GMPR: variants seen among roughly 807,000 people sequenced by gnomAD.
GMPR encodes the protein guanosine monophosphate reductase.
GMPR carries 31 observed loss-of-function variants against 38.4 expected under a neutral mutation model. That is an observed-to-expected ratio of 0.81 (90% CI 0.61 to 1.09). The LOEUF (loss-of-function observed/expected upper bound fraction) is 1.09. Among genes scored for constraint, GMPR ranks in the 50% least tolerant of loss-of-function variants. The pLI is 0.00. For missense variants in GMPR, 468 were observed against 453.7 expected, an observed-to-expected ratio of 1.03 and a Z score of -0.29; for synonymous variants, 162 against 173.3, an observed-to-expected ratio of 0.93 and a Z score of 0.51.
At chr6:16,290,258 G>A (rs1759812008) in intron 7 of GMPR, 6 of 617,672 alleles carry the variant, frequency 9.7e-6, no homozygotes, top group East Asian at 5.3e-5. Flanking sequence ...TTTGTTTCTC[G>A]CAGTGTCCCA....
At chr6:16,249,584 A>C (rs1292106584) in intron 2 of GMPR, among the ~76,000 whole-genome samples, 1 of 152,152 alleles carries the variant, frequency 6.6e-6, no homozygotes, top group African/African-American at 2.4e-5. Flanking sequence ...CGGCCTCCTA[A>C]AGTGCTGGGA....
chr6:16,274,319 T>C (rs1307632787), intron 4 of GMPR, 96 bp from the exon 5 acceptor site: 1 of 807,424 alleles, frequency 1.2e-6, no homozygotes, highest in Non-Finnish European at 2.1e-6. Context: ...CTGGTGGCTT[T>C]AGGACATGCA....
chr6:16,262,694 TAA>T (rs1183788502), intron 4 of GMPR: 14 of 152,138 alleles, frequency 9.2e-5, no homozygotes, highest in African/African-American at 3.4e-4. Flanking sequence ...GATTGGGTAA[TAA>T]AGTGTATTTT....
chr6:16,279,330 T>C (rs758219181), intron 6 of GMPR, among the ~76,000 whole-genome samples: 13 of 152,186 alleles, frequency 8.5e-5, no homozygotes, highest in Non-Finnish European at 1.6e-4. Flanking sequence ...GACCTTCTGC[T>C]GGTTCCTTAG....
intron 4 of GMPR, among the ~76,000 whole-genome samples, chr6:16,267,122 G>C (rs561072512): frequency 6.6e-6 from 1 of 152,206 alleles, no homozygotes; most frequent in South Asian, 2.1e-4. Context: ...CCGGCACTTT[G>C]GGAGGCCGAG....
At chr6:16,244,196 G>T (rs1758712565) in intron 1 of GMPR, among the ~76,000 whole-genome samples, 1 of 146,560 alleles carries the variant, frequency 6.8e-6, no homozygotes, top group Non-Finnish European at 1.5e-5. Context: ...GTGGTAGGTT[G>T]TCCTCTATTT....
At chr6:16,260,438 G>C (rs1215152622) in intron 4 of GMPR, among the ~76,000 whole-genome samples, 1 of 152,016 alleles carries the variant, frequency 6.6e-6, no homozygotes, top group African/African-American at 2.4e-5. Flanking sequence ...CTTATCCAGT[G>C]AAAGTGTCTA....
chr6:16,270,433 G>A (rs1292193865), intron 4 of GMPR, among the ~76,000 whole-genome samples: 5 of 152,092 alleles, frequency 3.3e-5, no homozygotes, highest in Admixed American at 2.6e-4. Flanking sequence ...TCCTGTATCC[G>A]CTCCACACCC....
At chr6:16,286,474 G>C (rs1320463037) in intron 7 of GMPR, among the ~76,000 whole-genome samples, 1 of 152,020 alleles carries the variant, frequency 6.6e-6, no homozygotes, top group African/African-American at 2.4e-5. Flanking sequence ...GCTCCAGAAT[G>C]TGAAATGGGC....
intron 4 of GMPR, among the ~76,000 whole-genome samples, chr6:16,259,846 G>A (rs866373236): frequency 5.4e-4 from 82 of 152,168 alleles, no homozygotes; most frequent in Admixed American, 1.8e-3. Context: ...AGAGTTAAGA[G>A]TGGCAGTTTG....
At chr6:16,250,944 G>C (rs572008495) in intron 3 of GMPR, among the ~76,000 whole-genome samples, 114 of 152,182 alleles carry the variant, frequency 7.5e-4, no homozygotes, top group Middle Eastern at 3.4e-3. Flanking sequence ...TCACTGCTGG[G>C]AATGGAAAAT....
In GMPR at chr6:16,277,034, G is replaced by A. The variant is rs573593920; in HGVS notation, c.548-1750G>A. On this transcript the variant is annotated intron_variant, in intron 5 of 8. Transcript: ENST00000259727. ...TACTGCAGCTGAGGCCCCCACCCCC[G>A]GATCTAGCAATTCAATGGGAGAGGA... Among the ~76,000 whole-genome samples, 8 of 152,272 alleles carry A rather than the reference G, an allele frequency of 5.3e-5. No homozygotes were observed. The South Asian group carries it at 1.0e-3, about 20-fold the overall frequency.
Position 16,266,804 on chromosome 6 carries a change from A to G in GMPR, c.466-7611A>G, listed in dbSNP as rs184610595. On this transcript the variant is annotated intron_variant, in intron 4 of 8. Coordinates refer to ENST00000259727, the MANE Select transcript of GMPR (RefSeq NM_006877.4). Reference sequence around the variant, plus strand: ...ACTCCGTCTCAAAAAACAAACAAACAAAAAAAGAGCTGTAACACTCACTGT... The same window carrying G: ...ACTCCGTCTCAAAAAACAAACAAACGAAAAAAGAGCTGTAACACTCACTGT... Among the ~76,000 whole-genome samples, 390 of 149,698 alleles carry G rather than the reference A, an allele frequency of 2.6e-3. 3 individuals are homozygous for G. The highest frequency in any genetic ancestry group is 8.7e-3 in the African/African-American group (349 of 40,304).
chr6:16,266,257 C>T (rs1295120706), intron 4 of GMPR, among the ~76,000 whole-genome samples: 1 of 152,062 alleles, frequency 6.6e-6, no homozygotes, highest in African/African-American at 2.4e-5. Context: ...AGCTGTAACA[C>T]TCACTGCGAA....
At chr6:16,264,417 G>C (rs774227575) in intron 4 of GMPR, 39 of 217,184 alleles carry the variant, frequency 1.8e-4, no homozygotes, top group Non-Finnish European at 2.5e-4. Flanking sequence ...CTTTCGCAAA[G>C]AGCAGGAGGA....
At chr6:16,286,391 G>A (rs1029485369) in intron 7 of GMPR, among the ~76,000 whole-genome samples, 12 of 151,956 alleles carry the variant, frequency 7.9e-5, no homozygotes, top group Admixed American at 2.6e-4. Flanking sequence ...AGTAAAGTAC[G>A]GCTGCCGAGC....
intron 2 of GMPR, 106 bp from the exon 3 acceptor site, chr6:16,250,178 C>T: frequency 1.4e-6 from 1 of 736,302 alleles, no homozygotes; most frequent in South Asian, 1.5e-5. Context: ...GCATGGATGG[C>T]AGGAACACTG....
chr6:16,254,757 G>A lies in GMPR; in HGVS notation c.465+22G>A, dbSNP rs372625744. 91 of 1,572,182 alleles carry A rather than the reference G, an allele frequency of 5.8e-5. 1 individual carries two copies. The African/African-American group carries it at 9.6e-4, about 17-fold the overall frequency. On this transcript the variant is annotated intron_variant, in intron 4 of 8. Transcript: ENST00000259727. ...TATGGTAAGTACGGTAGAACATTAC[G>A]GTAGAACATTCTCAAGATGGGGAAG...
At chr6:16,289,979 C>T (rs111853633) in intron 7 of GMPR, 2,051 of 145,364 alleles carry the variant, frequency 0.014, 19 homozygotes, top group Middle Eastern at 0.026. Context: ...AAGCGATTTC[C>T]GGCTAATTTT....
Sources: gnomAD v4.1 joint callset for allele counts (sites outside exome capture counted in the v4.1 genomes callset) on GRCh38, gnomAD v4.1.1 for gene constraint, MANE v1.5 for transcripts, NCBI Gene and HGNC (gene_info 2026-07-23, HGNC 2026-07-21) for gene names.